TARBP1: variants seen among roughly 807,000 people sequenced by gnomAD.
The protein encoded by TARBP1 is tRNA (guanosine(18)-2'-O)-methyltransferase TARBP1.
In TARBP1, 144 loss-of-function variants were observed where a neutral mutation model predicts 178.6. The observed-to-expected ratio is 0.81, with a 90% confidence interval of 0.70 to 0.93. The LOEUF is 0.93. Ranked by LOEUF, TARBP1 falls within the 40% of genes least tolerant of loss-of-function variation. TARBP1 has a pLI of 0.00. For synonymous variants in TARBP1, 787 were observed against 781.0 expected (o/e 1.01, Z -0.13); for missense variants, 2,067 against 2,011.7 (o/e 1.03, Z -0.53).
chr1:234,472,717 AT>A lies in TARBP1; in HGVS notation c.1025del (p.Asn342IlefsTer6). 1 of 1,574,546 alleles carries A rather than the reference AT, an allele frequency of 6.4e-7. No homozygotes were observed. Among genetic ancestry groups the A allele is most frequent in the Non-Finnish European group, 8.6e-7 (1 of 1,163,894 alleles). ...GCTAAAATAGAAAAACACTTACCTG[AT>A]TTCCTTCTAAAGTCTCCATAATTAA... Reference protein sequence around the residue: ...YILIMETLEGNQIHVIKPVLP... With the variant: ...YILIMETLEGXQIHVIKPVLP... On this transcript the variant is annotated frameshift_variant, in exon 2 of 30. Coordinates refer to ENST00000040877, the MANE Select transcript of TARBP1 (RefSeq NM_005646.4). LOFTEE classifies it high-confidence loss of function.
chr1:234,456,256 A>G (rs536799248), intron 9 of TARBP1, among the ~76,000 whole-genome samples: 1 of 152,370 alleles, frequency 6.6e-6, no homozygotes, highest in African/African-American at 2.4e-5. Flanking sequence ...GCTGGAGTGC[A>G]GTGGCACGAT....
In TARBP1 at chr1:234,478,240, C is replaced by T. The variant is rs929636759; in HGVS notation, c.864G>A (p.Leu288=). 6.2e-7 allele frequency: 1 copy of T among 1,610,680 alleles called. No individual in the cohort carries two copies. The highest frequency in any genetic ancestry group is 1.3e-5 in the African/African-American group (1 of 74,992). The change falls in exon 1 of 30, where the codon CTG becomes CTA. Residue 288 remains leucine (L), a synonymous_variant. Transcript: ENST00000040877. ...ALTRKRARYL[L]QRAVEVSAEL... ...CCGCCGACACCTCCACCGCCCTCTGCAGCAGGTAGCGCGCTCGCTTGCGCG... is the reference window on the plus strand; with the variant it reads ...CCGCCGACACCTCCACCGCCCTCTGTAGCAGGTAGCGCGCTCGCTTGCGCG...
rs1224669818 is a variant in TARBP1 at position 234,398,515 on chromosome 1, A to C, written c.4110T>G (p.Ile1370Met). ...TATCAATGGTGATCCATTCATCTTC[A>C]ATAAGGCCTGAAAGGCGTGGAAGGA... ...FYILPRLSGL[I>M]EDEWITIDKF... Residue 1370 changes from isoleucine (I) to methionine (M), a missense_variant, in exon 26 of 30, where the codon ATT (isoleucine) becomes ATG (methionine). Coordinates refer to ENST00000040877, the MANE Select transcript of TARBP1 (RefSeq NM_005646.4). 3 of 1,609,294 alleles carry C rather than the reference A, an allele frequency of 1.9e-6. No homozygotes were observed. Among genetic ancestry groups the C allele is most frequent in the Non-Finnish European group, 1.7e-6 (2 of 1,177,028 alleles).
chr1:234,453,210 T>C (rs1417786272), intron 9 of TARBP1, among the ~76,000 whole-genome samples: 1 of 152,020 alleles, frequency 6.6e-6, no homozygotes, highest in Non-Finnish European at 1.5e-5. Flanking sequence ...AATATGGGGG[T>C]CATCAATTGT....
intron 12 of TARBP1, among the ~76,000 whole-genome samples, chr1:234,439,501 T>G (rs896021588): frequency 3.3e-5 from 5 of 152,072 alleles, no homozygotes; most frequent in Admixed American, 1.3e-4. Context: ...TAAATAATGT[T>G]CAAACTGCCC....
chr1:234,403,970 G>A (rs1362799792), intron 24 of TARBP1, among the ~76,000 whole-genome samples: 2 of 152,150 alleles, frequency 1.3e-5, no homozygotes, highest in Admixed American at 6.5e-5. Context: ...TTATAGGCAT[G>A]AGCCACTGCA....
chr1:234,475,232 A>T (rs956143400), intron 1 of TARBP1, among the ~76,000 whole-genome samples: 1 of 152,188 alleles, frequency 6.6e-6, no homozygotes, highest in Non-Finnish European at 1.5e-5. Flanking sequence ...CTGCAGGAGT[A>T]CAAGATGGTG....
intron 1 of TARBP1, among the ~76,000 whole-genome samples, chr1:234,477,779 T>C (rs1269497773): frequency 6.6e-6 from 1 of 152,212 alleles, no homozygotes; most frequent in African/African-American, 2.4e-5. Flanking sequence ...AATTCACTAA[T>C]TCACTGGTCA....
In TARBP1 at chr1:234,420,731, G is replaced by A. The variant is rs771411699; in HGVS notation, c.3526C>T (p.Leu1176=). Residue 1176 remains leucine, a synonymous_variant, in exon 21 of 30, where the codon CTG becomes TTG. Coordinates refer to ENST00000040877, the MANE Select transcript of TARBP1 (RefSeq NM_005646.4). ...HRVKNRVWQT[L]LVLFPRLDQN... ...TCAAGTCTAGGGAAAAGTACCAGCAGAGTCTGCCACACTCGGTTTTTCACT... is the reference window on the plus strand; with the variant it reads ...TCAAGTCTAGGGAAAAGTACCAGCAAAGTCTGCCACACTCGGTTTTTCACT... 1.9e-6 allele frequency: 3 copies of A among 1,612,266 alleles called. No homozygotes were observed. Among genetic ancestry groups the A allele is most frequent in the South Asian group, 1.1e-5 (1 of 90,752 alleles).
intron 6 of TARBP1, among the ~76,000 whole-genome samples, chr1:234,463,127 G>GTT (rs61474990): frequency 0.25 from 37,738 of 151,642 alleles, 5,033 homozygotes; most frequent in East Asian, 0.38. Context: ...GTGTTTTTTT[G>GTT]TTTTTTTTGT....
intron 12 of TARBP1, among the ~76,000 whole-genome samples, chr1:234,446,533 C>T (rs1666189019): frequency 6.6e-6 from 1 of 151,830 alleles, no homozygotes; most frequent in Non-Finnish European, 1.5e-5. Flanking sequence ...GTAACCAACA[C>T]ACGGAAACCA....
At chr1:234,433,282 G>T in intron 14 of TARBP1, 128 bp downstream of exon 14, 1 of 960,684 alleles carries the variant, frequency 1.0e-6, no homozygotes, top group East Asian at 2.6e-5. Flanking sequence ...TATCACTAGA[G>T]GGTATATTTT....
At chr1:234,451,844 G>A (rs555430122) in intron 9 of TARBP1, among the ~76,000 whole-genome samples, 94 of 151,938 alleles carry the variant, frequency 6.2e-4, no homozygotes, top group African/African-American at 2.2e-3. Flanking sequence ...AGTCAATGAC[G>A]CTAAAGGAGG....
At chr1:234,458,627 G>C (rs1362656223) in intron 8 of TARBP1, among the ~76,000 whole-genome samples, 2 of 152,222 alleles carry the variant, frequency 1.3e-5, no homozygotes, top group African/African-American at 2.4e-5. Flanking sequence ...GAAAGAGTTT[G>C]CTGACCCCTG....
chr1:234,446,070 A>G (rs545157441), intron 12 of TARBP1, among the ~76,000 whole-genome samples: 1 of 152,326 alleles, frequency 6.6e-6, no homozygotes, highest in Admixed American at 6.5e-5. Context: ...TTTCATAAGC[A>G]TATATGAAAA....
At chr1:234,423,748 A>ATTTTTTTTT (rs1228790622) in intron 20 of TARBP1, among the ~76,000 whole-genome samples, 3 of 130,982 alleles carry the variant, frequency 2.3e-5, no homozygotes, top group African/African-American at 8.5e-5. Flanking sequence ...TTTTTTCTGA[A>ATTTTTTTTT]TTTTTTTTTT....
intron 24 of TARBP1, among the ~76,000 whole-genome samples, chr1:234,404,925 CA>C (rs1661058145): frequency 6.6e-6 from 1 of 152,156 alleles, no homozygotes. Flanking sequence ...ACAAATGCAT[CA>C]AAAGTGAAGG....
intron 24 of TARBP1, chr1:234,405,249 C>T (rs563488691): frequency 6.6e-6 from 1 of 152,150 alleles, no homozygotes; most frequent in Non-Finnish European, 1.5e-5. Flanking sequence ...TGGCAATAAT[C>T]TATGATAATA....
In TARBP1 at chr1:234,460,253, T is replaced by C. The variant is rs1244019091; in HGVS notation, c.1535+8A>G. On this transcript the variant is annotated splice_region_variant and intron_variant, in intron 7 of 29. Coordinates refer to ENST00000040877, the MANE Select transcript of TARBP1 (RefSeq NM_005646.4). ...TAACCATACAAGTACATATACAGAG[T>C]AAATTACCTGAGAGCAAGAAGCCCA... The C allele has an allele frequency of 3.1e-6, 5 of 1,611,634 alleles. No homozygotes were observed.
Sources: allele counts gnomAD v4.1 joint callset (sites outside exome capture counted in the v4.1 genomes callset), GRCh38; gene constraint gnomAD v4.1.1; transcripts MANE v1.5; gene names NCBI Gene and HGNC (gene_info 2026-07-23, HGNC 2026-07-21).